Variants in ADGRG4 observed in about 807,000 individuals in gnomAD.
ADGRG4 encodes the protein adhesion G protein-coupled receptor G4.
A neutral mutation model predicts 126.2 loss-of-function variants in ADGRG4; 122 were observed. The ratio of observed to expected loss-of-function variants is 0.97; its 90% CI spans 0.83 to 1.12. The LOEUF (loss-of-function observed/expected upper bound fraction) is 1.12, where lower values mean the gene tolerates loss of function less well. Among genes scored for constraint, ADGRG4 ranks in the 50% most tolerant of loss-of-function variants. ADGRG4 has a pLI of 0.00. For synonymous variants in ADGRG4, 943 were observed against 838.7 expected, an observed-to-expected ratio of 1.12 and a Z score of -2.15; for missense variants, 2,481 against 2,251.8, an observed-to-expected ratio of 1.10 and a Z score of -2.06.
Position 136,322,951 on chromosome X carries a change from C to T in ADGRG4, c.244C>T (p.Leu82Phe), listed in dbSNP as rs370147148. The T allele has an allele frequency of 3.0e-5, 36 of 1,209,216 alleles. No individual in the cohort carries two copies. In the African/African-American group the frequency reaches 5.9e-4, roughly 20 times the overall value. Residue 82 changes from leucine to phenylalanine, a missense_variant, in exon 5 of 26, where the codon CTC becomes TTC. Leu to Phe is a conservative substitution (Grantham distance 22). Coordinates refer to ENST00000394143, the MANE Select transcript of ADGRG4 (RefSeq NM_153834.4). ...CTTCTCTTATATTACTAATAACGCC[C>T]TCCTGGGCAGAGAAGACATAGACCT... ...MAFSYITNNA[L>F]LGREDIDLGL...
chrX:136,385,488 T>C (rs191916385), intron 15 of ADGRG4, among the ~76,000 whole-genome samples: 1 of 112,350 alleles, frequency 8.9e-6, no homozygotes, highest in African/African-American at 3.2e-5. Context: ...TTAACCATTA[T>C]TTCCTCTCTC....
At chrX:136,398,100 G>A in intron 20 of ADGRG4, 98 bp downstream of exon 20, 1 of 753,576 alleles carries the variant, frequency 1.3e-6, no homozygotes, top group Non-Finnish European at 1.9e-6. Flanking sequence ...ATCACAATAG[G>A]AAGAAGTCAG....
At chrX:136,394,545 C>G (rs1485353254) in intron 18 of ADGRG4, among the ~76,000 whole-genome samples, 1 of 111,859 alleles carries the variant, frequency 8.9e-6, no homozygotes, top group Non-Finnish European at 1.9e-5. Context: ...TTCCTGATCC[C>G]CTCCAAGTCT....
In ADGRG4 at chrX:136,345,372, A is replaced by T. The variant is rs199858400; in HGVS notation, c.1666A>T (p.Thr556Ser). 1.3e-4 allele frequency: 159 copies of T among 1,208,813 alleles called. No homozygotes were observed. Among genetic ancestry groups the T allele is most frequent in the Non-Finnish European group, 1.7e-4 (155 of 894,552 alleles). ...CATGTCGAAAGAGACCTCCTCTAAG[A>T]CCTTTTCTTTCTTAACATCCTTTTC... Reference protein sequence around the residue: ...TSMSKETSSKTFSFLTSFSFT... With the variant: ...TSMSKETSSKSFSFLTSFSFT... The change falls in exon 6 of 26, where the codon ACC becomes TCC. Residue 556 changes from threonine to serine, a missense_variant. Physicochemically the swap from Thr to Ser is moderately conservative, Grantham distance 58. Transcript: ENST00000394143.
At chrX:136,328,363 G>C (rs963127130) in intron 5 of ADGRG4, among the ~76,000 whole-genome samples, 3 of 112,007 alleles carry the variant, frequency 2.7e-5, no homozygotes, top group Non-Finnish European at 3.8e-5. Context: ...ACAAGCTAAA[G>C]TTCCTCTCAA....
At chrX:136,394,201 C>T (rs1030260009) in intron 18 of ADGRG4, among the ~76,000 whole-genome samples, 1 of 111,582 alleles carries the variant, frequency 9.0e-6, no homozygotes, top group Non-Finnish European at 1.9e-5. Flanking sequence ...TCTAAGGACC[C>T]TACTTGCTTG....
In ADGRG4 at chrX:136,308,788, ACAT is replaced by A. The variant is rs1003345681; in HGVS notation, c.15_17del (p.Ile6del). The A allele has an allele frequency of 2.6e-6, 3 of 1,160,737 alleles. No individual in the cohort carries two copies. In the African/African-American group the frequency reaches 5.3e-5, roughly 21 times the overall value. Reference sequence around the variant, plus strand: ...ACACAGACTTAGACAATGAAAGAACACATCATATATCAGAAGCTTTATGGATTG... The same window carrying A: ...ACACAGACTTAGACAATGAAAGAACACATATATCAGAAGCTTTATGGATTG... On this transcript the variant is annotated inframe_deletion, in exon 4 of 26. Transcript: ENST00000394143.
intron 9 of ADGRG4, among the ~76,000 whole-genome samples, chrX:136,357,076 T>C (rs1254150285): frequency 8.9e-6 from 1 of 112,358 alleles, no homozygotes; most frequent in Non-Finnish European, 1.9e-5. Context: ...ATATTTTCTG[T>C]AAATAGCTGA....
At chrX:136,387,186 T>A (rs990046688) in intron 15 of ADGRG4, among the ~76,000 whole-genome samples, 1 of 112,165 alleles carries the variant, frequency 8.9e-6, no homozygotes, top group Non-Finnish European at 1.9e-5. Flanking sequence ...TTCTAGTACA[T>A]GCTTTTTGGG....
Position 136,348,190 on chromosome X carries a change from C to G in ADGRG4, c.4484C>G (p.Pro1495Arg). The stretch of plus-strand genomic sequence containing the variant: ...ACAGCCTTTTCTGTTCCAAATGTAC[C>G]TACAATGCTTCCTAGAGAATCCTCT... ...ITTAFSVPNV[P>R]TMLPRESSMA... Residue 1495 changes from proline to arginine, a missense_variant, in exon 6 of 26, where the codon CCT becomes CGT. By Grantham distance (103) the Pro-to-Arg change is moderately radical. Transcript: ENST00000394143. The G allele has an allele frequency of 1.7e-6, 2 of 1,207,763 alleles. No homozygotes were observed. The highest frequency in any genetic ancestry group is 2.2e-6 in the Non-Finnish European group (2 of 892,155).
At chrX:136,321,798 T>C (rs185770416) in intron 4 of ADGRG4, among the ~76,000 whole-genome samples, 90 of 112,225 alleles carry the variant, frequency 8.0e-4, no homozygotes, top group Non-Finnish European at 1.4e-3. Context: ...CCGCACCCAA[T>C]GGACATGTCC....
At chrX:136,304,681 C>T (rs780090198) in intron 2 of ADGRG4, among the ~76,000 whole-genome samples, 174 bp from the exon 3 acceptor site, 5 of 112,133 alleles carry the variant, frequency 4.5e-5, no homozygotes, top group East Asian at 2.8e-4. Flanking sequence ...ATTGATTGAG[C>T]GCCCTCTATG....
chrX:136,313,761 C>T (rs190736000), intron 4 of ADGRG4, among the ~76,000 whole-genome samples: 3 of 111,560 alleles, frequency 2.7e-5, no homozygotes, highest in Admixed American at 9.5e-5. Context: ...TGTTGTTCAC[C>T]GCCCGGAGGT....
intron 9 of ADGRG4, among the ~76,000 whole-genome samples, chrX:136,357,157 T>C (rs985843410): frequency 8.9e-6 from 1 of 111,761 alleles, no homozygotes; most frequent in Non-Finnish European, 1.9e-5. Flanking sequence ...AGGTGTAAAA[T>C]CCTTTTGGTG....
rs1046686121 is a variant in ADGRG4, at chrX:136,393,511, T to C, written c.8035-24T>C. 9 of 1,176,625 alleles carry C rather than the reference T, an allele frequency of 7.6e-6. No individual in the cohort carries two copies. In the South Asian group the frequency reaches 1.3e-4, roughly 17 times the overall value. ...GGTAAATATCACAAGGCAAGATGTT[T>C]ACCTCTGATTTCTTTTTTTCCAGAA... is the stretch of plus-strand genomic sequence containing the variant. On this transcript the variant is annotated intron_variant, in intron 17 of 25. Transcript: ENST00000394143.
intron 15 of ADGRG4, among the ~76,000 whole-genome samples, chrX:136,379,135 T>C (rs973124124): frequency 9.0e-6 from 1 of 111,727 alleles, no homozygotes; most frequent in Non-Finnish European, 1.9e-5. Flanking sequence ...GGGAAGTTTT[T>C]TGATATCAAA....
At chrX:136,324,799 C>T (rs995697850) in intron 5 of ADGRG4, among the ~76,000 whole-genome samples, 4 of 111,929 alleles carry the variant, frequency 3.6e-5, no homozygotes, top group African/African-American at 6.5e-5. Context: ...TCTTCTTGTA[C>T]GTTTTCTGCT....
Position 136,387,794 on chromosome X carries a change from A to T in ADGRG4, c.7831A>T (p.Lys2611Ter), listed in dbSNP as rs201096406. ...GATTTTGGCTTCCATATATTTGCCT[A>T]AATCACTGACGGAGAGAATTCCTCT... Reference protein sequence around the residue: ...GGILASIYLPKSLTERIPLSN... With the variant: ...GGILASIYLP The change falls in exon 16 of 26, where the codon AAA becomes TAA. Residue 2611 changes from lysine to a stop codon, truncating the protein, a stop_gained. Coordinates refer to ENST00000394143, the MANE Select transcript of ADGRG4 (RefSeq NM_153834.4). LOFTEE classifies it high-confidence loss of function. The T allele has an allele frequency of 3.3e-6, 4 of 1,204,146 alleles. No individual in the cohort carries two copies. Among genetic ancestry groups the T allele is most frequent in the Non-Finnish European group, 4.5e-6 (4 of 890,041 alleles).
At chrX:136,386,231 T>G (rs1473716374) in intron 15 of ADGRG4, among the ~76,000 whole-genome samples, 1 of 111,989 alleles carries the variant, frequency 8.9e-6, no homozygotes, top group Non-Finnish European at 1.9e-5. Context: ...TTGAGTTTAT[T>G]AGGAGCTACT....
Sources: gnomAD v4.1 joint callset for allele counts (sites outside exome capture counted in the v4.1 genomes callset) on GRCh38, gnomAD v4.1.1 for gene constraint, MANE v1.5 for transcripts, NCBI Gene and HGNC (gene_info 2026-07-23, HGNC 2026-07-21) for gene names.